SLC45A4: variants seen among roughly 807,000 people sequenced by gnomAD.
SLC45A4 encodes solute carrier family 45 member 4.
SLC45A4 carries 32 observed loss-of-function variants against 63.7 expected under a neutral mutation model. The ratio of observed to expected loss-of-function variants is 0.50; its 90% confidence interval spans 0.38 to 0.67. The LOEUF is 0.67. Among genes scored for constraint, SLC45A4 ranks in the 30% least tolerant of loss-of-function variants. SLC45A4 has a pLI of 0.00. For missense variants in SLC45A4, 1,027 were observed against 1,157.7 expected (o/e 0.89, Z 1.64); for synonymous variants, 535 against 510.0 (o/e 1.05, Z -0.66).
intron 2 of SLC45A4, among the ~76,000 whole-genome samples, chr8:141,244,621 T>A (rs1373311343): frequency 6.6e-6 from 1 of 152,054 alleles, no homozygotes; most frequent in Non-Finnish European, 1.5e-5. Flanking sequence ...AGTGGGAGCA[T>A]GCAGAGGGGC....
chr8:141,238,325 C>T lies in SLC45A4; in HGVS notation c.241+15664G>A, dbSNP rs7014788. The stretch of plus-strand genomic sequence containing the variant: ...CATTTTTATTGTGATCAAATATACA[C>T]AACATCGAATTGACCTTTTTAATCC... On this transcript the variant is annotated intron_variant, in intron 2 of 8. Transcript: ENST00000517878. Among the ~76,000 whole-genome samples the T allele has an allele frequency of 3.1e-3, 472 of 152,208 alleles. 2 individuals are homozygous for T. The highest frequency in any genetic ancestry group is 0.011 in the African/African-American group (444 of 41,510).
At chr8:141,237,272 T>C (rs543505246) in intron 2 of SLC45A4, among the ~76,000 whole-genome samples, 2 of 152,266 alleles carry the variant, frequency 1.3e-5, no homozygotes, top group Non-Finnish European at 2.9e-5. Context: ...CCTCCTGTGA[T>C]GTCGTCCTTC....
chr8:141,265,856 G>A (rs1589831727), intron 1 of SLC45A4, among the ~76,000 whole-genome samples: 1 of 152,168 alleles, frequency 6.6e-6, no homozygotes, highest in African/African-American at 2.4e-5. Flanking sequence ...GCGACTGTCG[G>A]GGCATTCGGT....
intron 1 of SLC45A4, among the ~76,000 whole-genome samples, chr8:141,264,202 G>A (rs1829164457): frequency 6.6e-6 from 1 of 152,174 alleles, no homozygotes; most frequent in Admixed American, 6.5e-5. Flanking sequence ...TCCGTGTGAG[G>A]CCTTGGATCC....
Position 141,212,433 on chromosome 8 carries a change from C to T in SLC45A4, c.2065G>A (p.Val689Met), listed in dbSNP as rs754529727. 235 of 1,613,662 alleles carry T rather than the reference C, an allele frequency of 1.5e-4. No individual in the cohort carries two copies. Among genetic ancestry groups the T allele is most frequent in the Non-Finnish European group, 1.8e-4 (216 of 1,180,042 alleles). ...ATGGGGATGACGCGGACAGTCCCCA[C>T]GGCGTCGACCACGCCCCCAAGGGCA... is the stretch of plus-strand genomic sequence containing the variant. ...ASALGGVVDA[V>M]GTVRVIPMVA... The change falls in exon 8 of 9, where the codon GTG (valine) becomes ATG (methionine). Residue 689 changes from valine (V) to methionine (M), a missense_variant. Physicochemically the swap from Val to Met is conservative, Grantham distance 21. Coordinates refer to ENST00000517878, the MANE Select transcript of SLC45A4 (RefSeq NM_001286646.2).
intron 2 of SLC45A4, among the ~76,000 whole-genome samples, chr8:141,234,705 C>T (rs1231406633): frequency 1.3e-5 from 2 of 151,812 alleles, no homozygotes; most frequent in East Asian, 1.9e-4. Context: ...AGGGCTGTGG[C>T]GGTGGCCTGA....
intron 2 of SLC45A4, among the ~76,000 whole-genome samples, chr8:141,239,239 T>TA (rs1827781010): frequency 6.6e-6 from 1 of 152,152 alleles, no homozygotes; most frequent in Non-Finnish European, 1.5e-5. Flanking sequence ...GAGTGTGGTT[T>TA]TTCAAAACAG....
chr8:141,229,617 C>T lies in SLC45A4; in HGVS notation c.242-7852G>A, dbSNP rs35650130. Reference sequence around the variant, plus strand: ...CAAGCACGTGGCAGGTGACGGCACCCGCAGACCACGGCCTGCACCCATGGC... The same window carrying T: ...CAAGCACGTGGCAGGTGACGGCACCTGCAGACCACGGCCTGCACCCATGGC... On this transcript the variant is annotated intron_variant, in intron 2 of 8. Transcript: ENST00000517878. The surrounding 1 kb of genome is among the most constrained non-coding windows in gnomAD (Gnocchi z 5.0). Among the ~76,000 whole-genome samples the T allele has an allele frequency of 0.11, 16,525 of 152,122 alleles. 1,106 individuals are homozygous for T. Among genetic ancestry groups the T allele is most frequent in the East Asian group, 0.16 (839 of 5,164 alleles).
intron 2 of SLC45A4, among the ~76,000 whole-genome samples, chr8:141,222,395 G>A (rs1236740024): frequency 6.6e-6 from 1 of 152,148 alleles, no homozygotes; most frequent in Non-Finnish European, 1.5e-5. Flanking sequence ...TGGAGCCAAG[G>A]GGTTGCAGAT....
chr8:141,216,364 ACAT>A (rs1200230138), intron 6 of SLC45A4, among the ~76,000 whole-genome samples: 3 of 152,140 alleles, frequency 2.0e-5, no homozygotes, highest in Non-Finnish European at 4.4e-5. Flanking sequence ...TCGGGAACAC[ACAT>A]TTTTGCTGGT....
At chr8:141,268,385 A>G (rs1589834180) in intron 1 of SLC45A4, among the ~76,000 whole-genome samples, 1 of 152,160 alleles carries the variant, frequency 6.6e-6, no homozygotes. Flanking sequence ...GCATGTCACT[A>G]TGCATTTGCC....
intron 1 of SLC45A4, among the ~76,000 whole-genome samples, chr8:141,268,365 AATGGCAGACGC>A (rs1253216824): frequency 6.6e-6 from 1 of 152,198 alleles, no homozygotes; most frequent in African/African-American, 2.4e-5. Flanking sequence ...ATGGCACTCT[AATGGCAGACGC>A]ATGTCACTAT....
At chr8:141,253,286 C>T (rs1305578844) in intron 2 of SLC45A4, 1 of 182,826 alleles carries the variant, frequency 5.5e-6, no homozygotes, top group East Asian at 1.9e-4. Flanking sequence ...TTTTCATGCC[C>T]ACCTGCGTGT....
intron 2 of SLC45A4, among the ~76,000 whole-genome samples, chr8:141,223,861 G>A (rs769030382): frequency 2.6e-5 from 4 of 152,188 alleles, no homozygotes; most frequent in Non-Finnish European, 5.9e-5. Context: ...GCACCAGATG[G>A]GACCTGTGAC....
At chr8:141,283,609 TG>T (rs1464316499) in intron 1 of SLC45A4, among the ~76,000 whole-genome samples, 1 of 152,244 alleles carries the variant, frequency 6.6e-6, no homozygotes, top group African/African-American at 2.4e-5. Context: ...ACCACCGGGC[TG>T]TGGTCAGTCA....
At chr8:141,297,631 G>T (rs527765555) in intron 1 of SLC45A4, among the ~76,000 whole-genome samples, 1 of 152,200 alleles carries the variant, frequency 6.6e-6, no homozygotes, top group Non-Finnish European at 1.5e-5. Flanking sequence ...GAGATGGCAC[G>T]AACTGTCAGG....
chr8:141,297,682 C>A (rs1435718422), intron 1 of SLC45A4, among the ~76,000 whole-genome samples: 1 of 152,248 alleles, frequency 6.6e-6, no homozygotes, highest in East Asian at 1.9e-4. Context: ...GGCCATGCCA[C>A]ACACAGCCTG....
chr8:141,223,965 T>C (rs1282369802), intron 2 of SLC45A4, among the ~76,000 whole-genome samples: 1 of 152,146 alleles, frequency 6.6e-6, no homozygotes, highest in Non-Finnish European at 1.5e-5. Context: ...ACTTTTCATC[T>C]GATATCCCTT....
At chr8:141,223,636 C>T (rs964906976) in intron 2 of SLC45A4, among the ~76,000 whole-genome samples, 1 of 152,234 alleles carries the variant, frequency 6.6e-6, no homozygotes, top group African/African-American at 2.4e-5. Flanking sequence ...CGCTGGTTCT[C>T]ACCTCCCTGC....
Sources: allele counts gnomAD v4.1 joint callset (sites outside exome capture counted in the v4.1 genomes callset), GRCh38; gene constraint gnomAD v4.1.1; non-coding constraint Gnocchi (gnomAD v3.1); transcripts MANE v1.5; gene names NCBI Gene and HGNC (gene_info 2026-07-23, HGNC 2026-07-21).